ERC2: variants seen among roughly 807,000 people sequenced by gnomAD.
ERC2 encodes ERC protein 2.
A neutral mutation model predicts 114.8 loss-of-function variants in ERC2; 42 were observed. That is an observed-to-expected ratio of 0.37 (90% CI 0.29 to 0.47). The LOEUF (loss-of-function observed/expected upper bound fraction) is 0.47. ERC2 is among the 20% of genes least tolerant of loss of function. ERC2 has a pLI of 0.99. For synonymous variants in ERC2, 454 were observed against 425.5 expected (o/e 1.07, Z -0.82); for missense variants, 939 against 1,150.7 (o/e 0.82, Z 2.66).
intron 3 of ERC2, among the ~76,000 whole-genome samples, chr3:56,184,933 G>A (rs1165700510): frequency 6.6e-6 from 1 of 152,166 alleles, no homozygotes; most frequent in Non-Finnish European, 1.5e-5. Flanking sequence ...TACTCTGTTG[G>A]ACTCCATTTC....
At position 56,061,360 on chromosome 3, in the gene ERC2, A is replaced by AT. The variant is rs371209843; in HGVS notation, c.1641+19456dup. ...TGACCTTGTAAGCATTTCGAATGTG[A>AT]TTTTCTACCTCCTGCTTTTCTCTCT... is the stretch of plus-strand genomic sequence containing the variant. On this transcript the variant is annotated intron_variant, in intron 7 of 17. Transcript: ENST00000288221. Among the ~76,000 whole-genome samples, 321 of 152,194 alleles carry AT rather than the reference A, an allele frequency of 2.1e-3. 1 individual carries two copies. The highest frequency in any genetic ancestry group is 7.5e-3 in the African/African-American group (313 of 41,526).
chr3:56,129,921 T>C (rs2080105706), intron 6 of ERC2, among the ~76,000 whole-genome samples: 1 of 152,234 alleles, frequency 6.6e-6, no homozygotes, highest in Non-Finnish European at 1.5e-5. Flanking sequence ...AACATCCTAA[T>C]GAGCTCAAAA....
At chr3:56,190,370 A>C (rs557201165) in intron 3 of ERC2, among the ~76,000 whole-genome samples, 1 of 152,196 alleles carries the variant, frequency 6.6e-6, no homozygotes, top group African/African-American at 2.4e-5. Flanking sequence ...AGTGGTTACC[A>C]GGTGTAAAGC....
intron 14 of ERC2, among the ~76,000 whole-genome samples, chr3:55,792,375 T>A (rs983059878): frequency 2.0e-5 from 3 of 152,198 alleles, no homozygotes; most frequent in Non-Finnish European, 4.4e-5. Flanking sequence ...AAAGTCACTG[T>A]GTGCCTAGCT....
At chr3:56,210,412 C>T (rs1312528648) in intron 3 of ERC2, among the ~76,000 whole-genome samples, 6 of 152,200 alleles carry the variant, frequency 3.9e-5, no homozygotes, top group Admixed American at 6.5e-5. Flanking sequence ...TTAATTATTG[C>T]CTGATGGCAT....
intron 6 of ERC2, among the ~76,000 whole-genome samples, chr3:56,129,880 T>G (rs1268935002): frequency 6.6e-6 from 1 of 152,236 alleles, no homozygotes; most frequent in Non-Finnish European, 1.5e-5. Context: ...TTCTGTTATC[T>G]TAATTACATA....
chr3:56,065,524 TA>T lies in ERC2; in HGVS notation c.1641+15292del, dbSNP rs78858402. Among the ~76,000 whole-genome samples the T allele has an allele frequency of 2.3e-3, 344 of 147,824 alleles. 2 individuals are homozygous for T. The highest frequency in any genetic ancestry group is 6.7e-3 in the African/African-American group (268 of 39,960). On this transcript the variant is annotated intron_variant, in intron 7 of 17. Transcript: ENST00000288221. ...TTCTGACATGGACTACTTTCTTTTT[TA>T]AAAAAAAAAAAGCATTTTATTTTAG...
intron 16 of ERC2, among the ~76,000 whole-genome samples, chr3:55,685,688 T>A (rs1391154475): frequency 6.6e-6 from 1 of 152,160 alleles, no homozygotes; most frequent in African/African-American, 2.4e-5. Flanking sequence ...GCCCTAGCTT[T>A]CATCATATGA....
intron 14 of ERC2, among the ~76,000 whole-genome samples, chr3:55,800,770 C>T (rs1411104949): frequency 6.6e-6 from 1 of 152,112 alleles, no homozygotes; most frequent in African/African-American, 2.4e-5. Flanking sequence ...CAAATGGCAG[C>T]AGAGAGCTCT....
chr3:55,718,353 G>T (rs1410277990), intron 15 of ERC2, among the ~76,000 whole-genome samples: 1 of 152,144 alleles, frequency 6.6e-6, no homozygotes. Flanking sequence ...TACTGGGCAC[G>T]CATGACTGAC....
At chr3:55,882,813 C>G (rs571838193) in intron 14 of ERC2, among the ~76,000 whole-genome samples, 30 of 152,276 alleles carry the variant, frequency 2.0e-4, no homozygotes, top group African/African-American at 6.3e-4. Flanking sequence ...TCAAGGCTCT[C>G]CTTTTGAATC....
chr3:55,701,548 A>T (rs1300719300), intron 15 of ERC2, among the ~76,000 whole-genome samples: 6 of 151,570 alleles, frequency 4.0e-5, no homozygotes, highest in South Asian at 2.1e-4. Flanking sequence ...AGTGAATGTT[A>T]AAAAAAAACT....
chr3:55,654,962 T>G (rs1274103992), intron 17 of ERC2, among the ~76,000 whole-genome samples: 1 of 152,194 alleles, frequency 6.6e-6, no homozygotes, highest in African/African-American at 2.4e-5. Context: ...TGCCCATTCT[T>G]GCATGCCTTT....
chr3:56,405,887 C>CTTTTTTTTTTT lies in ERC2; in HGVS notation c.657+28453_657+28463dup, dbSNP rs72095902. On this transcript the variant is annotated intron_variant, in intron 2 of 17. Coordinates refer to ENST00000288221, the MANE Select transcript of ERC2 (RefSeq NM_015576.3). ...GGTCAAAGGATATGAACTTTTTTTT[C>CTTTTTTTTTTT]TTTTTTTTTTTTTTTTTTTTTTTGA... Among the ~76,000 whole-genome samples the CTTTTTTTTTTT allele has an allele frequency of 1.3e-3, 112 of 85,094 alleles. 1 individual carries two copies. The highest frequency in any genetic ancestry group is 0.011 in the Middle Eastern group (1 of 92). The allele number at this position is 85,094 out of a possible 152,430, so 55.8% of individuals were successfully genotyped here.
chr3:55,754,638 A>G (rs1479762640), intron 14 of ERC2, among the ~76,000 whole-genome samples: 1 of 150,894 alleles, frequency 6.6e-6, no homozygotes, highest in Non-Finnish European at 1.5e-5. Flanking sequence ...CAAGAGTAAT[A>G]GAAAAATATC....
At chr3:56,424,296 G>A (rs1388070916) in intron 2 of ERC2, among the ~76,000 whole-genome samples, 1 of 151,630 alleles carries the variant, frequency 6.6e-6, no homozygotes, top group African/African-American at 2.4e-5. Flanking sequence ...GGTGGCTTAT[G>A]TGCTGCTGCA....
chr3:55,845,853 G>A (rs924490801), intron 14 of ERC2, among the ~76,000 whole-genome samples: 7 of 152,208 alleles, frequency 4.6e-5, no homozygotes, highest in Non-Finnish European at 1.0e-4. Flanking sequence ...TGTGCAAATA[G>A]AGCAAGCAAC....
rs747423199 is a variant in ERC2, at chr3:56,019,022, A to G, written c.1651T>C (p.Leu551=). 1 of 1,609,264 alleles carries G rather than the reference A, an allele frequency of 6.2e-7. No individual in the cohort carries two copies. The highest frequency in any genetic ancestry group is 8.5e-7 in the Non-Finnish European group (1 of 1,177,788). Residue 551 remains leucine, a synonymous_variant, in exon 8 of 18, where the codon TTG becomes CTG. Coordinates refer to ENST00000288221, the MANE Select transcript of ERC2 (RefSeq NM_015576.3). ...TCTTTATCCCTAAGTTGTTCTTGCA[A>G]GTTTTCAATCTAAAAATAAAAATCA... ...INVLQKKIEN[L]QEQLRDKDKQ...
At chr3:55,985,928 T>A in intron 12 of ERC2, 49 bp downstream of exon 12, 1 of 1,510,564 alleles carries the variant, frequency 6.6e-7, no homozygotes, top group Non-Finnish European at 8.9e-7. Flanking sequence ...AAGCCATAAA[T>A]TGAGCTTAGG....
Sources: allele counts gnomAD v4.1 joint callset (sites outside exome capture counted in the v4.1 genomes callset), GRCh38; gene constraint gnomAD v4.1.1; transcripts MANE v1.5; gene names NCBI Gene and HGNC (gene_info 2026-07-23, HGNC 2026-07-21).